The following UQCRFS1 variants were observed in gnomAD, a reference collection of about 807,000 sequenced individuals.
The protein encoded by UQCRFS1 is cytochrome b-c1 complex subunit Rieske, mitochondrial.
A neutral mutation model predicts 15.6 loss-of-function variants in UQCRFS1; 6 were observed. The ratio of observed to expected loss-of-function variants is 0.38; its 90% CI spans 0.21 to 0.76. The LOEUF is 0.76. Among genes scored for constraint, UQCRFS1 ranks in the 30% least tolerant of loss-of-function variants. The probability of loss-of-function intolerance (pLI) is 0.44; values close to 1 mark genes in which losing one functional copy is unlikely to be tolerated. For missense variants in UQCRFS1, 203 were observed against 366.7 expected, an observed-to-expected ratio of 0.55 and a Z score of 3.65; for synonymous variants, 105 against 154.3, an observed-to-expected ratio of 0.68 and a Z score of 2.37.
intron 1 of UQCRFS1, 140 bp downstream of exon 1, chr19:29,212,765 C>G: frequency 1.1e-6 from 1 of 907,344 alleles, no homozygotes; most frequent in Non-Finnish European, 1.5e-6. Flanking sequence ...GCCCGGGGGC[C>G]AGGCCCAGAG....
In UQCRFS1 at chr19:29,212,950, C is replaced by A. The variant is rs772515410; in HGVS notation, c.169G>T (p.Gly57Cys). The change falls in exon 1 of 2, where the codon GGC becomes TGC. Residue 57 changes from glycine (G) to cysteine (C), a missense_variant. This residue lies in a region of UQCRFS1 where 92 missense variants were observed against 120.5 expected (regional missense o/e 0.76). Transcript: ENST00000304863. ...RPFLSRESLS[G>C]QAVRRPLVAS... ...ACCAAAGGCCGGCGCACGGCCTGGC[C>A]GCTCAGCGACTCCCGGCTGAGGAAG... 15 of 1,403,552 alleles carry A rather than the reference C, an allele frequency of 1.1e-5. No individual in the cohort carries two copies. The highest frequency in any genetic ancestry group is 1.5e-5 in the African/African-American group (1 of 65,420). The allele number at this position is 1,403,552 out of a possible 1,614,324, so 86.9% of individuals were successfully genotyped here.
intron 1 of UQCRFS1, among the ~76,000 whole-genome samples, chr19:29,209,600 T>G (rs978569352): frequency 6.6e-6 from 1 of 152,130 alleles, no homozygotes; most frequent in African/African-American, 2.4e-5. Flanking sequence ...GAGACTCACA[T>G]CCCAGAATCT....
At position 29,208,130 on chromosome 19, in the gene UQCRFS1, T is replaced by C. The variant is rs557706172; in HGVS notation, c.243A>G (p.Thr81=). ...NVPASVCYSH[T]DIKVPDFSEY... is the part of the protein sequence containing the mutation. ...CAGAGAAGTCAGGCACCTTGATGTCTGTGTGGGAATAACAAACAGAAGCAG... is the reference window on the plus strand; with the variant it reads ...CAGAGAAGTCAGGCACCTTGATGTCCGTGTGGGAATAACAAACAGAAGCAG... Residue 81 remains threonine (T), a synonymous_variant, in exon 2 of 2, where the codon ACA becomes ACG. Coordinates refer to ENST00000304863, the MANE Select transcript of UQCRFS1 (RefSeq NM_006003.3). The C allele has an allele frequency of 3.8e-4, 613 of 1,611,736 alleles. 4 individuals are homozygous for C. The South Asian group carries it at 6.3e-3, about 17-fold the overall frequency.
At position 29,207,361 on chromosome 19, in the gene UQCRFS1, T is replaced by C. The variant is rs35793387; in HGVS notation, c.*187A>G. 2.5e-5 allele frequency: 19 copies of C among 764,682 alleles called. No homozygotes were observed. Among genetic ancestry groups the C allele is most frequent in the Non-Finnish European group, 3.9e-5 (19 of 489,326 alleles). 47.4% of individuals were successfully genotyped at this position (764,682 alleles called of 1,614,324 possible). ...CTGAGCATAACAGTGCTTAACAGTG[T>C]CTTTATTAAGTGAATGCCTGAAAGT... is the stretch of plus-strand genomic sequence containing the variant. On this transcript the variant is annotated 3_prime_UTR_variant, in exon 2 of 2. Coordinates refer to ENST00000304863, the MANE Select transcript of UQCRFS1 (RefSeq NM_006003.3).
At chr19:29,210,919 C>G (rs1976639726) in intron 1 of UQCRFS1, among the ~76,000 whole-genome samples, 1 of 151,816 alleles carries the variant, frequency 6.6e-6, no homozygotes, top group Admixed American at 6.6e-5. Context: ...GTTCTAGATC[C>G]CTGAGGAATC....
Position 29,212,891 on chromosome 19 carries a change from T to A in UQCRFS1, c.214+14A>T. 7.0e-7 allele frequency: 1 copy of A among 1,424,752 alleles called. No individual in the cohort carries two copies. The highest frequency in any genetic ancestry group is 1.5e-5 in the South Asian group (1 of 68,926). 88.3% of individuals were successfully genotyped at this position (1,424,752 alleles called of 1,614,324 possible). A position where few individuals can be genotyped will look rare whatever the true frequency, so the allele number is the denominator to read the frequency against. On this transcript the variant is annotated intron_variant, in intron 1 of 1. Coordinates refer to ENST00000304863, the MANE Select transcript of UQCRFS1 (RefSeq NM_006003.3). ...AGACCCCCAGCCCTGCTCGCGGCCCTCGCCCCGGCTCACCATTGAGGCCCA... is the reference window on the plus strand; with the variant it reads ...AGACCCCCAGCCCTGCTCGCGGCCCACGCCCCGGCTCACCATTGAGGCCCA...
rs9304664 is a variant in UQCRFS1, at chr19:29,207,000, C to T, written c.*548G>A. 1 of 152,496 alleles carries T rather than the reference C, an allele frequency of 6.6e-6. No homozygotes were observed. Among genetic ancestry groups the T allele is most frequent in the African/African-American group, 2.4e-5 (1 of 41,386 alleles). The allele number at this position is 152,496 out of a possible 1,614,324, so 9.4% of individuals were successfully genotyped here. Reference sequence around the variant, plus strand: ...GATAAACCCTCAGAGCTACTAATGCCTCATTCAGGACTCTTTCCCACAGAT... The same window carrying T: ...GATAAACCCTCAGAGCTACTAATGCTTCATTCAGGACTCTTTCCCACAGAT... On this transcript the variant is annotated 3_prime_UTR_variant, in exon 2 of 2. Transcript: ENST00000304863.
intron 1 of UQCRFS1, 81 bp from the exon 2 acceptor site, chr19:29,208,239 G>T: frequency 6.7e-7 from 1 of 1,484,368 alleles, no homozygotes. Flanking sequence ...AGCCCTTTAT[G>T]GATTCACAGG....
chr19:29,211,090 G>A (rs1273477049), intron 1 of UQCRFS1, among the ~76,000 whole-genome samples: 1 of 151,948 alleles, frequency 6.6e-6, no homozygotes, highest in Non-Finnish European at 1.5e-5. Context: ...TGGTTTACAG[G>A]CAACCTAAAA....
rs1276257740 is a variant in UQCRFS1 at position 29,212,876 on chromosome 19, C to A, written c.214+29G>T. ...GGAGCGGGCACCGAGAGACCCCCAG[C>A]CCTGCTCGCGGCCCTCGCCCCGGCT... On this transcript the variant is annotated intron_variant, in intron 1 of 1. Transcript: ENST00000304863. 3.5e-6 allele frequency: 5 copies of A among 1,422,050 alleles called. No individual in the cohort carries two copies. The Admixed American group carries it at 9.6e-5, about 27-fold the overall frequency. The allele number at this position is 1,422,050 out of a possible 1,614,324, so 88.1% of individuals were successfully genotyped here. A position where few individuals can be genotyped will look rare whatever the true frequency, so the allele number is the denominator to read the frequency against.
At position 29,207,936 on chromosome 19, in the gene UQCRFS1, A is replaced by T; in HGVS notation, c.437T>A (p.Val146Glu). ...GATTTCGATTTTCGCCAGGGCCAAC[A>T]CATCAGCAGAAGCACTCATGCTGGA... ...FVSSMSASAD[V>E]LALAKIEIKL... The change falls in exon 2 of 2, where the codon GTG (valine) becomes GAG (glutamate). Residue 146 changes from valine (V) to glutamate (E), a missense_variant. This residue lies in a region of UQCRFS1 where 91 missense variants were observed against 186.9 expected (regional missense o/e 0.49). Transcript: ENST00000304863. The T allele has an allele frequency of 1.2e-6, 2 of 1,614,018 alleles. No homozygotes were observed. The highest frequency in any genetic ancestry group is 1.7e-6 in the Non-Finnish European group (2 of 1,179,866).
At chr19:29,208,943 G>C (rs1429168204) in intron 1 of UQCRFS1, among the ~76,000 whole-genome samples, 1 of 151,618 alleles carries the variant, frequency 6.6e-6, no homozygotes, top group African/African-American at 2.4e-5. Flanking sequence ...TTCAGTAAAG[G>C]GCAATAGTTA....
At chr19:29,212,845 G>T in intron 1 of UQCRFS1, 60 bp downstream of exon 1, 1 of 1,353,184 alleles carries the variant, frequency 7.4e-7, no homozygotes, top group Non-Finnish European at 9.4e-7. Flanking sequence ...CCTGCTGGGG[G>T]CCGGAGGAGC....
rs971533736 is a variant in UQCRFS1, at chr19:29,212,775, G to A, written c.214+130C>T. 37 of 1,015,730 alleles carry A rather than the reference G, an allele frequency of 3.6e-5. 1 individual carries two copies. The African/African-American group carries it at 5.3e-4, about 14-fold the overall frequency. 62.9% of individuals were successfully genotyped at this position (1,015,730 alleles called of 1,614,324 possible). On this transcript the variant is annotated intron_variant, in intron 1 of 1. Transcript: ENST00000304863. ...CCCGAGCCCGGGGGCCAGGCCCAGA[G>A]TTGCGGAGGCCGCCCAGCCCGACCT...
intron 1 of UQCRFS1, among the ~76,000 whole-genome samples, chr19:29,209,251 T>C (rs1370299448): frequency 2.6e-5 from 4 of 152,170 alleles, no homozygotes; most frequent in Admixed American, 2.0e-4. Flanking sequence ...CTTAAGAAAT[T>C]TGCCACAAAG....
chr19:29,213,134 A>G lies in UQCRFS1; in HGVS notation c.-16T>C. ...CCGACAACATGGCGACAGCCGCTCC[A>G]ACCGCCAAGCCGGTCACAGGGACGA... On this transcript the variant is annotated 5_prime_UTR_variant, in exon 1 of 2. Coordinates refer to ENST00000304863, the MANE Select transcript of UQCRFS1 (RefSeq NM_006003.3). 1 of 1,520,652 alleles carries G rather than the reference A, an allele frequency of 6.6e-7. No homozygotes were observed. Among genetic ancestry groups the G allele is most frequent in the South Asian group, 1.2e-5 (1 of 83,626 alleles). 94.2% of individuals were successfully genotyped at this position (1,520,652 alleles called of 1,614,324 possible). A position where few individuals can be genotyped will look rare whatever the true frequency, so the allele number is the denominator to read the frequency against.
At position 29,206,304 on chromosome 19, in the gene UQCRFS1, T is replaced by C. The variant is rs1355101973; in HGVS notation, c.*1244A>G. On this transcript the variant is annotated 3_prime_UTR_variant, in exon 2 of 2. Transcript: ENST00000304863. ...TAAGCATAGAAAGTTTGACATTTTC[T>C]TTTTTCTGTCAACACCTAGCTATTA... 2.0e-5 allele frequency: 3 copies of C among 152,338 alleles called. No homozygotes were observed. Among genetic ancestry groups the C allele is most frequent in the African/African-American group, 4.8e-5 (2 of 41,580 alleles). 9.4% of individuals were successfully genotyped at this position (152,338 alleles called of 1,614,324 possible).
Position 29,207,713 on chromosome 19 carries a change from A to C in UQCRFS1, c.660T>G (p.Leu220=). The C allele has an allele frequency of 6.2e-7, 1 of 1,614,006 alleles. No homozygotes were observed. Among genetic ancestry groups the C allele is most frequent in the Non-Finnish European group, 8.5e-7 (1 of 1,179,870 alleles). The change falls in exon 2 of 2, where the codon CTT becomes CTG. Residue 220 remains leucine, a synonymous_variant. Coordinates refer to ENST00000304863, the MANE Select transcript of UQCRFS1 (RefSeq NM_006003.3). ...WVILIGVCTH[L]GCVPIANAGD... ...CTGCATTTGCAATGGGTACACAGCCAAGATGAGTGCAAACACCTATCAGGA... is the reference window on the plus strand; with the variant it reads ...CTGCATTTGCAATGGGTACACAGCCCAGATGAGTGCAAACACCTATCAGGA...
At chr19:29,212,764 C>A in intron 1 of UQCRFS1, 141 bp downstream of exon 1, 2 of 895,912 alleles carry the variant, frequency 2.2e-6, no homozygotes, top group Admixed American at 4.3e-5. Flanking sequence ...AGCCCGGGGG[C>A]CAGGCCCAGA....
Sources: allele counts gnomAD v4.1 joint callset (sites outside exome capture counted in the v4.1 genomes callset), GRCh38; gene constraint gnomAD v4.1.1; regional missense constraint gnomAD v4.1.1; transcripts MANE v1.5; gene names NCBI Gene and HGNC (gene_info 2026-07-23, HGNC 2026-07-21).